Variants in ACYP2 observed in about 807,000 individuals in gnomAD.
ACYP2 encodes the protein acylphosphatase-2.
Under a neutral mutation model 11.2 loss-of-function variants are expected in ACYP2, and 12 were observed. That is an observed-to-expected ratio of 1.08 (90% CI 0.69 to 1.74). The LOEUF (loss-of-function observed/expected upper bound fraction) is 1.74. Ranked by LOEUF, ACYP2 falls within the 40% of genes most tolerant of loss-of-function variation. The pLI is 0.00. For synonymous variants in ACYP2, 43 were observed against 32.2 expected, an observed-to-expected ratio of 1.33 and a Z score of -1.13; for missense variants, 134 against 101.9, an observed-to-expected ratio of 1.31 and a Z score of -1.35.
chr2:54,267,160 G>A lies in ACYP2; in HGVS notation c.405-37528G>A, dbSNP rs1371179024. On this transcript the variant is annotated intron_variant, in intron 6 of 6. Coordinates refer to ENST00000607452, the MANE Select transcript of ACYP2 (RefSeq NM_001320586.2). ...CTGTATTGTTGAGTTGTTATAATGAGCATGTATTATTCATGTATTTTTTCA... is the reference window on the plus strand; with the variant it reads ...CTGTATTGTTGAGTTGTTATAATGAACATGTATTATTCATGTATTTTTTCA... The A allele has an allele frequency of 2.6e-5, 21 of 807,150 alleles. No individual in the cohort carries two copies. The South Asian group carries it at 3.8e-4, about 15-fold the overall frequency. The allele number at this position is 807,150 out of a possible 1,614,324, so 50.0% of individuals were successfully genotyped here. A position where few individuals can be genotyped will look rare whatever the true frequency, so the allele number is the denominator to read the frequency against.
chr2:54,048,155 G>T (rs1314038182), intron 2 of ACYP2, among the ~76,000 whole-genome samples: 2 of 152,184 alleles, frequency 1.3e-5, no homozygotes, highest in Non-Finnish European at 2.9e-5. Context: ...GCCAGGCGCA[G>T]TGGCTCATGT....
At chr2:54,078,197 T>G (rs963939111) in intron 4 of ACYP2, among the ~76,000 whole-genome samples, 1 of 152,038 alleles carries the variant, frequency 6.6e-6, no homozygotes, top group African/African-American at 2.4e-5. Context: ...TCCACCCGCC[T>G]TGGCCTCCCA....
intron 6 of ACYP2, chr2:54,255,439 A>G: frequency 6.2e-7 from 1 of 1,614,022 alleles, no homozygotes; most frequent in Non-Finnish European, 8.5e-7. Flanking sequence ...CCTCTGCTCC[A>G]GGTAGTATTC....
intron 4 of ACYP2, among the ~76,000 whole-genome samples, chr2:54,094,380 A>C (rs1024903698): frequency 6.6e-6 from 1 of 152,002 alleles, no homozygotes; most frequent in African/African-American, 2.4e-5. Flanking sequence ...GGCATGTGCC[A>C]CCATGCCTAG....
intron 6 of ACYP2, among the ~76,000 whole-genome samples, chr2:54,280,602 A>C: frequency 6.6e-6 from 1 of 152,228 alleles, no homozygotes; most frequent in East Asian, 1.9e-4. Context: ...GGAGGGAGGC[A>C]AAAGGGTAGT....
At chr2:54,059,627 C>A (rs1222837228) in intron 4 of ACYP2, among the ~76,000 whole-genome samples, 2 of 152,196 alleles carry the variant, frequency 1.3e-5, no homozygotes, top group Non-Finnish European at 2.9e-5. Context: ...TCTTCCTGAT[C>A]CTGTCTGGAC....
intron 6 of ACYP2, among the ~76,000 whole-genome samples, chr2:54,291,894 G>A (rs943689725): frequency 6.6e-6 from 1 of 152,160 alleles, no homozygotes; most frequent in African/African-American, 2.4e-5. Context: ...TTCTGATATG[G>A]TCTGGTAGAA....
chr2:53,989,971 C>A (rs1286475778), intron 2 of ACYP2, among the ~76,000 whole-genome samples: 2 of 112,070 alleles, frequency 1.8e-5, no homozygotes, highest in Non-Finnish European at 3.7e-5. Flanking sequence ...AAACCCTTTT[C>A]TTTTCTTTTC....
At chr2:54,179,944 G>A (rs897365293) in intron 6 of ACYP2, among the ~76,000 whole-genome samples, 1 of 152,136 alleles carries the variant, frequency 6.6e-6, no homozygotes, top group Non-Finnish European at 1.5e-5. Flanking sequence ...AGTCCCCAAG[G>A]TTCCCTCTTA....
intron 5 of ACYP2, among the ~76,000 whole-genome samples, chr2:54,135,836 A>G (rs1181836783): frequency 4.6e-5 from 7 of 152,200 alleles, no homozygotes; most frequent in Admixed American, 4.6e-4. Flanking sequence ...AAAACACGCT[A>G]ATGTTGCATA....
At chr2:54,144,746 T>C (rs1303383262) in intron 6 of ACYP2, among the ~76,000 whole-genome samples, 1 of 152,112 alleles carries the variant, frequency 6.6e-6, no homozygotes, top group Non-Finnish European at 1.5e-5. Context: ...CTTGTAGAAC[T>C]TCATTTTCTC....
intron 6 of ACYP2, among the ~76,000 whole-genome samples, chr2:54,295,462 AT>A (rs1689486057): frequency 6.6e-6 from 1 of 152,146 alleles, no homozygotes; most frequent in Non-Finnish European, 1.5e-5. Flanking sequence ...TTGTGAGTTA[AT>A]GAGTTAAAAA....
At chr2:54,143,132 C>T (rs1251922663) in intron 6 of ACYP2, 1 of 152,122 alleles carries the variant, frequency 6.6e-6, no homozygotes, top group African/African-American at 2.4e-5. Context: ...ATCTTTGTTT[C>T]AGTGACTTCA....
chr2:53,985,322 C>T (rs977344794), intron 2 of ACYP2, among the ~76,000 whole-genome samples: 2 of 152,108 alleles, frequency 1.3e-5, no homozygotes, highest in African/African-American at 4.8e-5. Flanking sequence ...CTGCCTCAGC[C>T]TCCCAAAGTG....
chr2:53,984,209 C>T (rs1227790756), intron 2 of ACYP2, among the ~76,000 whole-genome samples: 1 of 152,116 alleles, frequency 6.6e-6, no homozygotes, highest in African/African-American at 2.4e-5. Flanking sequence ...GGAACAAGAG[C>T]TAATTTAAAC....
chr2:54,230,514 G>A (rs893726271), intron 6 of ACYP2, among the ~76,000 whole-genome samples: 1 of 151,886 alleles, frequency 6.6e-6, no homozygotes, highest in Non-Finnish European at 1.5e-5. Context: ...CCGGCTATGC[G>A]CCTGGCCACA....
intron 4 of ACYP2, among the ~76,000 whole-genome samples, chr2:54,104,503 A>G (rs1679051871): frequency 6.6e-6 from 1 of 152,208 alleles, no homozygotes; most frequent in South Asian, 2.1e-4. Flanking sequence ...GGTTTTGTTA[A>G]GTAGACATTT....
chr2:54,283,243 C>G (rs1688924072), intron 6 of ACYP2, among the ~76,000 whole-genome samples: 1 of 152,134 alleles, frequency 6.6e-6, no homozygotes, highest in South Asian at 2.1e-4. Flanking sequence ...TAATTTAGTC[C>G]TATCTCTGTG....
At chr2:53,990,282 A>G (rs2104517684) in intron 2 of ACYP2, among the ~76,000 whole-genome samples, 1 of 152,092 alleles carries the variant, frequency 6.6e-6, no homozygotes, top group African/African-American at 2.4e-5. Context: ...CCTGGCATAT[A>G]ACACTTTTCA....
Sources: allele counts gnomAD v4.1 joint callset (sites outside exome capture counted in the v4.1 genomes callset), GRCh38; gene constraint gnomAD v4.1.1; transcripts MANE v1.5; gene names NCBI Gene and HGNC (gene_info 2026-07-23, HGNC 2026-07-21).